Variants in PELI2 observed in about 807,000 individuals in gnomAD.
PELI2 encodes the protein E3 ubiquitin-protein ligase pellino homolog 2.
PELI2 carries 23 observed loss-of-function variants against 42.3 expected under a neutral mutation model. The observed-to-expected ratio is 0.54, with a 90% confidence interval of 0.39 to 0.77. The LOEUF is 0.77. Ranked by LOEUF, PELI2 falls within the 30% of genes least tolerant of loss-of-function variation. The pLI is 0.00. For missense variants in PELI2, 463 were observed against 553.2 expected, an observed-to-expected ratio of 0.84 and a Z score of 1.64; for synonymous variants, 245 against 212.2, an observed-to-expected ratio of 1.15 and a Z score of -1.34.
intron 1 of PELI2, among the ~76,000 whole-genome samples, chr14:56,124,628 A>G (rs997545111): frequency 1.3e-5 from 2 of 152,206 alleles, no homozygotes; most frequent in African/African-American, 2.4e-5. Context: ...ACTAAGGGAT[A>G]CGCAGATGAA....
intron 2 of PELI2, among the ~76,000 whole-genome samples, chr14:56,220,377 A>G (rs557055248): frequency 5.0e-4 from 76 of 152,238 alleles, no homozygotes; most frequent in Non-Finnish European, 9.6e-4. Context: ...GGAAAGGAAA[A>G]TGATAGTTTT....
chr14:56,280,836 C>G (rs571990604), intron 3 of PELI2, among the ~76,000 whole-genome samples: 41 of 152,042 alleles, frequency 2.7e-4, no homozygotes, highest in African/African-American at 9.4e-4. Flanking sequence ...ATCAAGTAGA[C>G]AAAGGATTGA....
chr14:56,133,519 C>G (rs1284648890), intron 1 of PELI2, among the ~76,000 whole-genome samples: 1 of 152,240 alleles, frequency 6.6e-6, no homozygotes, highest in Non-Finnish European at 1.5e-5. Context: ...GGAAAGGACA[C>G]TACATTTTAC....
At chr14:56,279,873 G>C in intron 3 of PELI2, 96 bp downstream of exon 3, 1 of 542,002 alleles carries the variant, frequency 1.8e-6, no homozygotes, top group Non-Finnish European at 3.2e-6. Context: ...GTATGTCCAG[G>C]GGGAAAGAGT....
rs973111365 is a variant in PELI2, at chr14:56,130,495, A to G, written c.77+11758A>G. 5.9e-5 allele frequency among the ~76,000 whole-genome samples: 9 copies of G among 151,924 alleles called. No individual in the cohort carries two copies. In the East Asian group the frequency reaches 1.7e-3, roughly 29 times the overall value. On this transcript the variant is annotated intron_variant, in intron 1 of 5. Coordinates refer to ENST00000267460, the MANE Select transcript of PELI2 (RefSeq NM_021255.3). ...CATACTGGGTATTCTCATTAAACAT[A>G]GTGGTGTAAAACTTCACTCATTCAA...
At chr14:56,128,253 A>G (rs1231922603) in intron 1 of PELI2, among the ~76,000 whole-genome samples, 3 of 152,196 alleles carry the variant, frequency 2.0e-5, no homozygotes, top group African/African-American at 2.4e-5. Context: ...CCAGGGGTAC[A>G]CAGTCTAAGG....
intron 2 of PELI2, among the ~76,000 whole-genome samples, chr14:56,258,053 G>A (rs1480321421): frequency 6.6e-6 from 1 of 152,112 alleles, no homozygotes; most frequent in Non-Finnish European, 1.5e-5. Context: ...AGCTCACAAA[G>A]GACTGGGATT....
intron 4 of PELI2, among the ~76,000 whole-genome samples, chr14:56,289,502 A>G (rs1889756477): frequency 6.6e-6 from 1 of 152,160 alleles, no homozygotes; most frequent in African/African-American, 2.4e-5. Flanking sequence ...CCAAGAAGAT[A>G]TCATGTGTCA....
intron 3 of PELI2, among the ~76,000 whole-genome samples, chr14:56,284,851 GA>G (rs1043438184): frequency 6.6e-6 from 1 of 152,200 alleles, no homozygotes; most frequent in African/African-American, 2.4e-5. Context: ...TACATCTGGA[GA>G]AGGCAGACCA....
In PELI2 at chr14:56,150,203, A is replaced by G. The variant is rs115660817; in HGVS notation, c.78-28132A>G. ...AGTCCCTGGCAGCAAGCACGGCGTAACTGTCAAGTGTGTCTGGTGGTTAAC... is the reference window on the plus strand; with the variant it reads ...AGTCCCTGGCAGCAAGCACGGCGTAGCTGTCAAGTGTGTCTGGTGGTTAAC... On this transcript the variant is annotated intron_variant, in intron 1 of 5. Transcript: ENST00000267460. 7.4e-3 allele frequency among the ~76,000 whole-genome samples: 1,132 copies of G among 152,368 alleles called. 19 individuals carry two copies. The highest frequency in any genetic ancestry group is 0.026 in the African/African-American group (1,071 of 41,582).
chr14:56,229,676 C>T (rs987524201), intron 2 of PELI2, among the ~76,000 whole-genome samples: 1 of 152,128 alleles, frequency 6.6e-6, no homozygotes, highest in African/African-American at 2.4e-5. Context: ...TTCTAAAAAC[C>T]AGAGTGCCTC....
intron 1 of PELI2, among the ~76,000 whole-genome samples, chr14:56,157,828 C>T (rs538013845): frequency 2.6e-5 from 4 of 152,180 alleles, no homozygotes; most frequent in Non-Finnish European, 5.9e-5. Flanking sequence ...AAGGAAAAGA[C>T]ACTGGAAGTA....
rs144128586 is a variant in PELI2, at chr14:56,266,185, C to T, written c.208-13491C>T. 5.2e-3 allele frequency among the ~76,000 whole-genome samples: 788 copies of T among 152,054 alleles called. 41 individuals carry two copies. Among genetic ancestry groups the T allele is most frequent in the Admixed American group, 0.047 (722 of 15,276 alleles). ...CTAAAGAAAAATGGAGAATTCTTCA[C>T]TTAATCTAGGAGTGAGGAAAGCTTT... On this transcript the variant is annotated intron_variant, in intron 2 of 5. Transcript: ENST00000267460.
At chr14:56,143,298 G>A (rs1419824087) in intron 1 of PELI2, among the ~76,000 whole-genome samples, 1 of 152,212 alleles carries the variant, frequency 6.6e-6, no homozygotes, top group African/African-American at 2.4e-5. Flanking sequence ...TATCACAGCA[G>A]GATACACTGC....
intron 1 of PELI2, among the ~76,000 whole-genome samples, chr14:56,149,388 G>A (rs1246405321): frequency 1.3e-5 from 2 of 152,122 alleles, no homozygotes; most frequent in Non-Finnish European, 1.5e-5. Flanking sequence ...ACTGCAGCTC[G>A]TTCTCTGTCC....
rs754768134 is a variant in PELI2 at position 56,242,847 on chromosome 14, CA to C, written c.208-36828del. Among the ~76,000 whole-genome samples, 22 of 152,156 alleles carry C rather than the reference CA, an allele frequency of 1.4e-4. 1 individual carries two copies. The highest frequency in any genetic ancestry group is 8.5e-4 in the Admixed American group (13 of 15,284). On this transcript the variant is annotated intron_variant, in intron 2 of 5. Coordinates refer to ENST00000267460, the MANE Select transcript of PELI2 (RefSeq NM_021255.3). Reference sequence around the variant, plus strand: ...AAGGATGTAATGGACTTTGGGGATTCAGGGGGGAAGAGAGAAAGGGAGTGAA... The same window carrying C: ...AAGGATGTAATGGACTTTGGGGATTCGGGGGGAAGAGAGAAAGGGAGTGAA...
chr14:56,212,596 T>C (rs762358036), intron 2 of PELI2, among the ~76,000 whole-genome samples: 2 of 152,240 alleles, frequency 1.3e-5, no homozygotes, highest in Non-Finnish European at 2.9e-5. Flanking sequence ...TGCTGTCTTA[T>C]TGTTCTCCTT....
At chr14:56,122,071 G>T (rs1369818807) in intron 1 of PELI2, among the ~76,000 whole-genome samples, 1 of 152,140 alleles carries the variant, frequency 6.6e-6, no homozygotes, top group Non-Finnish European at 1.5e-5. Flanking sequence ...TTGAAATTTA[G>T]CTAAATAGAC....
At chr14:56,211,340 G>C (rs1235041210) in intron 2 of PELI2, among the ~76,000 whole-genome samples, 1 of 152,184 alleles carries the variant, frequency 6.6e-6, no homozygotes, top group East Asian at 1.9e-4. Flanking sequence ...AGACCTCTGA[G>C]TTGAGATGTC....
Sources: allele counts gnomAD v4.1 joint callset (sites outside exome capture counted in the v4.1 genomes callset), GRCh38; gene constraint gnomAD v4.1.1; transcripts MANE v1.5; gene names NCBI Gene and HGNC (gene_info 2026-07-23, HGNC 2026-07-21).